The following KPNA5 variants were observed in gnomAD, a reference collection of about 807,000 sequenced individuals.
The protein encoded by KPNA5 is karyopherin subunit alpha 5, also known as importin subunit alpha-6.
Under a neutral mutation model 71.3 loss-of-function variants are expected in KPNA5, and 46 were observed. The observed-to-expected ratio is 0.65, with a 90% CI of 0.51 to 0.83. The LOEUF is 0.83. Ranked by LOEUF, KPNA5 falls within the 40% of genes least tolerant of loss-of-function variation. The pLI is 0.00. For synonymous variants in KPNA5, 207 were observed against 201.4 expected (o/e 1.03, Z -0.24); for missense variants, 547 against 628.3 (o/e 0.87, Z 1.38).
At chr6:116,711,362 C>T (rs1362857985) in intron 7 of KPNA5, among the ~76,000 whole-genome samples, 1 of 150,894 alleles carries the variant, frequency 6.6e-6, no homozygotes, top group Non-Finnish European at 1.5e-5. Context: ...TTTTCTTCCT[C>T]CTGCTAGCTA....
Position 116,739,134 on chromosome 6 carries a change from G to C in KPNA5, c.*6811G>C, listed in dbSNP as rs1779775513. 2.0e-5 allele frequency: 3 copies of C among 152,130 alleles called. No individual in the cohort carries two copies. The highest frequency in any genetic ancestry group is 2.0e-4 in the Admixed American group (3 of 15,264). 9.4% of individuals were successfully genotyped at this position (152,130 alleles called of 1,614,324 possible). A position where few individuals can be genotyped will look rare whatever the true frequency, so the allele number is the denominator to read the frequency against. On this transcript the variant is annotated 3_prime_UTR_variant, in exon 14 of 14. Coordinates refer to ENST00000368564, the MANE Select transcript of KPNA5 (RefSeq NM_001366306.2). ...TCTAAGCCCAAAATCTCCTTAAGCT[G>C]ATAAGCAACTTCAGCAAAGTCTCAG... is the stretch of plus-strand genomic sequence containing the variant.
intron 12 of KPNA5, among the ~76,000 whole-genome samples, chr6:116,729,114 T>C (rs1779383608): frequency 6.6e-6 from 1 of 151,554 alleles, no homozygotes; most frequent in Admixed American, 6.6e-5. Flanking sequence ...TTAATTTAGA[T>C]GTCTCTTCTT....
intron 7 of KPNA5, among the ~76,000 whole-genome samples, chr6:116,707,632 T>G (rs915375475): frequency 2.0e-5 from 3 of 152,220 alleles, no homozygotes; most frequent in African/African-American, 7.2e-5. Context: ...CCCTAAAATA[T>G]TTACTGAAAA....
chr6:116,683,762 T>C (rs1386925882), intron 1 of KPNA5, among the ~76,000 whole-genome samples: 1 of 151,552 alleles, frequency 6.6e-6, no homozygotes, highest in East Asian at 1.9e-4. Context: ...CACGCCCGGC[T>C]AATTTTTTGT....
At chr6:116,724,213 G>A (rs1487707499) in intron 9 of KPNA5, 84 bp from the exon 10 acceptor site, 20 of 803,300 alleles carry the variant, frequency 2.5e-5, no homozygotes, top group Middle Eastern at 3.4e-4. Context: ...TGAACACCCC[G>A]CAGGAGTTTG....
intron 7 of KPNA5, among the ~76,000 whole-genome samples, chr6:116,708,966 A>G (rs1464912288): frequency 6.6e-6 from 1 of 151,786 alleles, no homozygotes; most frequent in Non-Finnish European, 1.5e-5. Context: ...TTGTATTTTT[A>G]GTAGAGACGG....
At chr6:116,712,800 A>T (rs775516819) in intron 7 of KPNA5, among the ~76,000 whole-genome samples, 33 of 151,968 alleles carry the variant, frequency 2.2e-4, no homozygotes, top group South Asian at 4.2e-4. Flanking sequence ...CTTTTTTTTT[A>T]AAATAATTTA....
Position 116,740,786 on chromosome 6 carries a change from T to G in KPNA5, c.*8463T>G, listed in dbSNP as rs889745403. 1 of 147,012 alleles carries G rather than the reference T, an allele frequency of 6.8e-6. No individual in the cohort carries two copies. The highest frequency in any genetic ancestry group is 7.1e-5 in the Admixed American group (1 of 14,066). The allele number at this position is 147,012 out of a possible 1,614,324, so 9.1% of individuals were successfully genotyped here. ...GCATCTTCTCACTCATAGGTGGGAATTGAACAATGAGAACACATGGACACA... is the reference window on the plus strand; with the variant it reads ...GCATCTTCTCACTCATAGGTGGGAAGTGAACAATGAGAACACATGGACACA... On this transcript the variant is annotated 3_prime_UTR_variant, in exon 14 of 14. Coordinates refer to ENST00000368564, the MANE Select transcript of KPNA5 (RefSeq NM_001366306.2).
chr6:116,725,661 G>T, intron 10 of KPNA5, 90 bp from the exon 11 acceptor site: 1 of 1,140,102 alleles, frequency 8.8e-7, no homozygotes, highest in Non-Finnish European at 1.2e-6. Flanking sequence ...TTTCTAGAAT[G>T]GGTTTTGTAC....
chr6:116,689,664 C>T (rs1777719086), intron 2 of KPNA5, among the ~76,000 whole-genome samples: 1 of 152,048 alleles, frequency 6.6e-6, no homozygotes. Context: ...TATTGATAAA[C>T]CTGTTGTGTT....
intron 4 of KPNA5, among the ~76,000 whole-genome samples, chr6:116,694,373 G>A (rs560307874): frequency 2.6e-5 from 4 of 152,198 alleles, no homozygotes; most frequent in African/African-American, 7.2e-5. Flanking sequence ...CCATAAGCAT[G>A]GAATGTTCTT....
chr6:116,740,911 G>A lies in KPNA5; in HGVS notation c.*8588G>A, dbSNP rs1006882959. On this transcript the variant is annotated 3_prime_UTR_variant, in exon 14 of 14. Coordinates refer to ENST00000368564, the MANE Select transcript of KPNA5 (RefSeq NM_001366306.2). Reference sequence around the variant, plus strand: ...CTAATGCTAAATGACGAGTTAATGGGTGCAGCACACCAACATGGCACATGT... The same window carrying A: ...CTAATGCTAAATGACGAGTTAATGGATGCAGCACACCAACATGGCACATGT... 1 of 151,698 alleles carries A rather than the reference G, an allele frequency of 6.6e-6. No individual in the cohort carries two copies. Among genetic ancestry groups the A allele is most frequent in the Non-Finnish European group, 1.5e-5 (1 of 67,978 alleles). The allele number at this position is 151,698 out of a possible 1,614,324, so 9.4% of individuals were successfully genotyped here.
At chr6:116,719,648 G>C (rs558719298) in intron 8 of KPNA5, among the ~76,000 whole-genome samples, 74 of 151,904 alleles carry the variant, frequency 4.9e-4, no homozygotes, top group African/African-American at 1.7e-3. Flanking sequence ...GGGGTTCGAG[G>C]CCAGCCTGGG....
At chr6:116,726,744 TG>T (rs1779305244) in intron 12 of KPNA5, 122 bp downstream of exon 12, 3 of 887,482 alleles carry the variant, frequency 3.4e-6, no homozygotes, top group East Asian at 5.9e-5. Context: ...TAATATGAAA[TG>T]ACAGCATGTA....
intron 13 of KPNA5, among the ~76,000 whole-genome samples, chr6:116,730,985 T>C (rs1342215141): frequency 6.6e-6 from 1 of 152,110 alleles, no homozygotes; most frequent in Non-Finnish European, 1.5e-5. Context: ...AAACATACCA[T>C]GTTCATTTAT....
At chr6:116,695,426 G>C (rs1036476518) in intron 4 of KPNA5, among the ~76,000 whole-genome samples, 1 of 151,898 alleles carries the variant, frequency 6.6e-6, no homozygotes, top group East Asian at 1.9e-4. Flanking sequence ...TCTTTGTCTT[G>C]TGTTTCATAT....
At position 116,740,536 on chromosome 6, in the gene KPNA5, C is replaced by T. The variant is rs950786989; in HGVS notation, c.*8213C>T. The T allele has an allele frequency of 2.4e-4, 37 of 152,294 alleles. No homozygotes were observed. Among genetic ancestry groups the T allele is most frequent in the South Asian group, 1.7e-3 (8 of 4,828 alleles). 9.4% of individuals were successfully genotyped at this position (152,294 alleles called of 1,614,324 possible). On this transcript the variant is annotated 3_prime_UTR_variant, in exon 14 of 14. Transcript: ENST00000368564. ...TATAAATCATGCTGCTATAAAGACA[C>T]ATGCACACATATGTTTATTGCAGCA...
At chr6:116,708,949 C>T (rs1199970419) in intron 7 of KPNA5, among the ~76,000 whole-genome samples, 2 of 151,988 alleles carry the variant, frequency 1.3e-5, no homozygotes, top group Non-Finnish European at 2.9e-5. Context: ...CCATACCTGG[C>T]TAATTTTTGT....
At chr6:116,684,129 T>C (rs1583395759) in intron 1 of KPNA5, among the ~76,000 whole-genome samples, 1 of 151,802 alleles carries the variant, frequency 6.6e-6, no homozygotes, top group African/African-American at 2.4e-5. Context: ...GCCAGGCCGG[T>C]CTTGAACTCC....
Sources: gnomAD v4.1 joint callset for allele counts (sites outside exome capture counted in the v4.1 genomes callset) on GRCh38, gnomAD v4.1.1 for gene constraint, MANE v1.5 for transcripts, NCBI Gene and HGNC (gene_info 2026-07-23, HGNC 2026-07-21) for gene names.